SNX7: variants seen among roughly 807,000 people sequenced by gnomAD.
SNX7 encodes sorting nexin 7.
A neutral mutation model predicts 48.4 loss-of-function variants in SNX7; 35 were observed. That is an observed-to-expected ratio of 0.72 (90% CI 0.55 to 0.96). SNX7 has a LOEUF of 0.96. SNX7 is among the 40% of genes least tolerant of loss of function. SNX7 has a pLI of 0.00. For missense variants in SNX7, 553 were observed against 548.9 expected (o/e 1.01, Z -0.07); for synonymous variants, 190 against 190.2 (o/e 1.00, Z 0.01).
In SNX7 at chr1:98,717,010, T is replaced by TA. The variant is rs199646574; in HGVS notation, c.1125+15118dup. On this transcript the variant is annotated intron_variant, in intron 7 of 8. Transcript: ENST00000306121. ...TGGTGTTTTCTTCTTTTATCTTCTT[T>TA]AAAAAAAAAAACTTGGATTTCATAA... Among the ~76,000 whole-genome samples the TA allele has an allele frequency of 2.2e-3, 333 of 148,240 alleles. 2 individuals carry two copies. The highest frequency in any genetic ancestry group is 0.01 in the South Asian group (48 of 4,692).
At chr1:98,736,942 A>T (rs1219136165) in intron 7 of SNX7, among the ~76,000 whole-genome samples, 2 of 152,142 alleles carry the variant, frequency 1.3e-5, no homozygotes, top group South Asian at 4.1e-4. Flanking sequence ...CATAAGAGAG[A>T]TGATGTCATT....
chr1:98,664,087 C>A (rs1649413673), intron 1 of SNX7, among the ~76,000 whole-genome samples: 1 of 152,198 alleles, frequency 6.6e-6, no homozygotes, highest in South Asian at 2.1e-4. Context: ...CACTGCTGTT[C>A]AGCCTATCCT....
chr1:98,753,832 G>A (rs1011008499), intron 8 of SNX7, among the ~76,000 whole-genome samples: 1 of 151,944 alleles, frequency 6.6e-6, no homozygotes, highest in Admixed American at 6.6e-5. Context: ...AAACATTGTG[G>A]GTAGATTTTT....
At chr1:98,683,474 A>G (rs1650613531) in intron 1 of SNX7, among the ~76,000 whole-genome samples, 3 of 152,032 alleles carry the variant, frequency 2.0e-5, no homozygotes, top group Non-Finnish European at 2.9e-5. Flanking sequence ...TGATGATAGT[A>G]GGAGGTGGAG....
chr1:98,759,253 C>T (rs1201476300), intron 8 of SNX7, among the ~76,000 whole-genome samples: 2 of 151,724 alleles, frequency 1.3e-5, no homozygotes, highest in Non-Finnish European at 2.9e-5. Context: ...TTCATTATAG[C>T]TCAGGCTGAA....
At chr1:98,667,779 G>A (rs752557013) in intron 1 of SNX7, among the ~76,000 whole-genome samples, 34 of 152,108 alleles carry the variant, frequency 2.2e-4, no homozygotes, top group Non-Finnish European at 2.6e-4. Flanking sequence ...ATGTCAATGC[G>A]TCAGATTTTT....
chr1:98,695,054 C>G (rs1651376580), intron 4 of SNX7, among the ~76,000 whole-genome samples: 1 of 152,114 alleles, frequency 6.6e-6, no homozygotes, highest in Non-Finnish European at 1.5e-5. Context: ...GTATTAAGCT[C>G]TAAATAAATG....
chr1:98,733,853 TCTC>T (rs1338842224), intron 7 of SNX7, among the ~76,000 whole-genome samples: 2 of 152,058 alleles, frequency 1.3e-5, no homozygotes, highest in African/African-American at 2.4e-5. Context: ...TTTCCTTTCT[TCTC>T]CTCCTTTGTT....
At chr1:98,691,720 C>A in intron 4 of SNX7, 21 bp downstream of exon 4, 1 of 1,557,666 alleles carries the variant, frequency 6.4e-7, no homozygotes, top group Middle Eastern at 1.7e-4. Flanking sequence ...TTTATTTATA[C>A]TCATATAATC....
chr1:98,739,146 A>C (rs905934006), intron 8 of SNX7, among the ~76,000 whole-genome samples: 1 of 152,084 alleles, frequency 6.6e-6, no homozygotes, highest in African/African-American at 2.4e-5. Context: ...TGTCATAAGG[A>C]GCACGCAACT....
chr1:98,752,259 TC>T (rs1349360316), intron 8 of SNX7, among the ~76,000 whole-genome samples: 7 of 152,056 alleles, frequency 4.6e-5, no homozygotes, highest in Non-Finnish European at 8.8e-5. Context: ...TCCTTAGGTT[TC>T]GTACTCAAGA....
At chr1:98,756,552 G>A (rs1282146919) in intron 8 of SNX7, among the ~76,000 whole-genome samples, 1 of 149,576 alleles carries the variant, frequency 6.7e-6, no homozygotes, top group Non-Finnish European at 1.5e-5. Context: ...GGCCCTATGA[G>A]AATGCTGGAT....
intron 1 of SNX7, among the ~76,000 whole-genome samples, chr1:98,669,992 T>G (rs1207424188): frequency 6.6e-6 from 1 of 152,260 alleles, no homozygotes; most frequent in Non-Finnish European, 1.5e-5. Context: ...ATGAATGACG[T>G]AGCCTCTGAC....
At chr1:98,677,259 A>T (rs1650215145) in intron 1 of SNX7, 1 of 152,234 alleles carries the variant, frequency 6.6e-6, no homozygotes, top group Admixed American at 6.5e-5. Flanking sequence ...AAAGAATAAC[A>T]TGTAGCCCTT....
chr1:98,728,576 A>C lies in SNX7; in HGVS notation c.1126-9661A>C, dbSNP rs186953746. Among the ~76,000 whole-genome samples the C allele has an allele frequency of 3.9e-5, 6 of 152,324 alleles. No homozygotes were observed. The East Asian group carries it at 9.6e-4, about 24-fold the overall frequency. On this transcript the variant is annotated intron_variant, in intron 7 of 8. Transcript: ENST00000306121. ...ACCCATCTCACAGGCAGAGACACAC[A>C]TAGGCTTAAAATAAAGGTATGGAGG...
intron 7 of SNX7, among the ~76,000 whole-genome samples, chr1:98,733,017 A>C (rs1350205406): frequency 1.3e-5 from 2 of 152,118 alleles, no homozygotes; most frequent in Non-Finnish European, 2.9e-5. Flanking sequence ...AGCCTGCCCA[A>C]ACCACCCAAA....
In SNX7 at chr1:98,668,598, C is replaced by T. The variant is rs575098576; in HGVS notation, c.180+6687C>T. Among the ~76,000 whole-genome samples, 5 of 152,290 alleles carry T rather than the reference C, an allele frequency of 3.3e-5. No homozygotes were observed. In the East Asian group the frequency reaches 9.7e-4, roughly 29 times the overall value. ...GTATTTGCTATCCATGAAAGAGAGT[C>T]CACTAAGGGATTTCACTGATGATAT... On this transcript the variant is annotated intron_variant, in intron 1 of 8. Transcript: ENST00000306121.
intron 1 of SNX7, among the ~76,000 whole-genome samples, chr1:98,677,771 G>A (rs572496579): frequency 3.3e-5 from 5 of 151,842 alleles, no homozygotes; most frequent in East Asian, 1.9e-4. Context: ...CCAGCTACTC[G>A]GGAGTCTGAC....
intron 7 of SNX7, among the ~76,000 whole-genome samples, chr1:98,706,300 C>T (rs1011925745): frequency 1.3e-5 from 2 of 152,104 alleles, no homozygotes; most frequent in Admixed American, 6.6e-5. Context: ...GTAAAATATT[C>T]ACCAAGGAGG....
Sources: allele counts gnomAD v4.1 joint callset (sites outside exome capture counted in the v4.1 genomes callset), GRCh38; gene constraint gnomAD v4.1.1; transcripts MANE v1.5; gene names NCBI Gene and HGNC (gene_info 2026-07-23, HGNC 2026-07-21).